NXPH1: variants seen among roughly 807,000 people sequenced by gnomAD.
NXPH1 encodes the protein neurexophilin 1.
Under a neutral mutation model 23.7 loss-of-function variants are expected in NXPH1, and 5 were observed. The observed-to-expected ratio is 0.21, with a 90% CI of 0.11 to 0.44. The LOEUF (loss-of-function observed/expected upper bound fraction) is 0.44. NXPH1 is among the 20% of genes least tolerant of loss of function. The probability of loss-of-function intolerance (pLI) is 0.99; values close to 1 mark genes in which losing one functional copy is unlikely to be tolerated. For missense variants in NXPH1, 324 were observed against 321.6 expected, an observed-to-expected ratio of 1.01 and a Z score of -0.06; for synonymous variants, 144 against 122.2, an observed-to-expected ratio of 1.18 and a Z score of -1.18.
intron 2 of NXPH1, among the ~76,000 whole-genome samples, chr7:8,725,205 G>A (rs568229480): frequency 5.9e-5 from 9 of 152,280 alleles, no homozygotes; most frequent in African/African-American, 2.2e-4. Flanking sequence ...AGAACCCATT[G>A]TAGGACAGGC....
intron 2 of NXPH1, among the ~76,000 whole-genome samples, chr7:8,669,560 CTG>C (rs1820833770): frequency 1.3e-5 from 2 of 152,078 alleles, no homozygotes; most frequent in African/African-American, 4.8e-5. Context: ...GCTTGCCCAG[CTG>C]TGTTTTACTG....
intron 2 of NXPH1, among the ~76,000 whole-genome samples, chr7:8,531,030 G>C (rs1817941900): frequency 6.6e-6 from 1 of 152,134 alleles, no homozygotes; most frequent in Non-Finnish European, 1.5e-5. Context: ...CTAGAATGGG[G>C]ATCAGAAAAC....
intron 2 of NXPH1, among the ~76,000 whole-genome samples, chr7:8,706,454 C>T (rs938514148): frequency 2.6e-5 from 4 of 152,088 alleles, no homozygotes; most frequent in African/African-American, 7.2e-5. Context: ...AGTTGAGTGC[C>T]AAGAGAAAAA....
chr7:8,663,629 C>A (rs968837652), intron 2 of NXPH1, among the ~76,000 whole-genome samples: 2 of 152,050 alleles, frequency 1.3e-5, no homozygotes, highest in African/African-American at 2.4e-5. Context: ...TATCCCCTTA[C>A]AAAATTATTA....
At chr7:8,512,223 GT>G (rs1817623547) in intron 2 of NXPH1, among the ~76,000 whole-genome samples, 1 of 152,148 alleles carries the variant, frequency 6.6e-6, no homozygotes, top group Non-Finnish European at 1.5e-5. Context: ...AAAGAATCAT[GT>G]GATAATCTTA....
At chr7:8,706,037 AT>A (rs1329801590) in intron 2 of NXPH1, among the ~76,000 whole-genome samples, 1 of 152,156 alleles carries the variant, frequency 6.6e-6, no homozygotes, top group Non-Finnish European at 1.5e-5. Flanking sequence ...ACATAATAAT[AT>A]TTGATGTATC....
intron 2 of NXPH1, among the ~76,000 whole-genome samples, chr7:8,522,295 CT>C (rs1563334874): frequency 6.6e-6 from 1 of 152,184 alleles, no homozygotes. Flanking sequence ...CCATTTTCTG[CT>C]GGGCTAGCTC....
intron 2 of NXPH1, among the ~76,000 whole-genome samples, chr7:8,613,378 C>T (rs1253932287): frequency 4.6e-5 from 7 of 151,912 alleles, no homozygotes; most frequent in Non-Finnish European, 1.0e-4. Context: ...TTGCAAACAT[C>T]TGGAGGAAAA....
intron 2 of NXPH1, among the ~76,000 whole-genome samples, chr7:8,592,192 G>A (rs930420731): frequency 1.3e-5 from 2 of 152,000 alleles, no homozygotes; most frequent in African/African-American, 4.8e-5. Context: ...AAAGGAGAAA[G>A]CTGGGATGAG....
chr7:8,681,058 C>T (rs530191059), intron 2 of NXPH1, among the ~76,000 whole-genome samples: 4 of 152,370 alleles, frequency 2.6e-5, no homozygotes, highest in Non-Finnish European at 5.9e-5. Context: ...AGAGCCAGCG[C>T]TAATGTCCGG....
Position 8,678,928 on chromosome 7 carries a change from A to ATTTTTTTTTT in NXPH1, c.55-72054_55-72045dup, listed in dbSNP as rs540056222. On this transcript the variant is annotated intron_variant, in intron 2 of 2. Transcript: ENST00000405863. The stretch of plus-strand genomic sequence containing the variant: ...TCTAGATTTATCTTTGCTTTATCCA[A>ATTTTTTTTTT]TTTTTTTTTTTTTTTTTTTTTTTTT... 3.7e-3 allele frequency among the ~76,000 whole-genome samples: 251 copies of ATTTTTTTTTT among 68,760 alleles called. 26 individuals carry two copies. The highest frequency in any genetic ancestry group is 4.9e-3 in the African/African-American group (67 of 13,540). 45.1% of individuals were successfully genotyped at this position (68,760 alleles called of 152,430 possible). A position where few individuals can be genotyped will look rare whatever the true frequency, so the allele number is the denominator to read the frequency against.
In NXPH1 at chr7:8,710,640, G is replaced by GGTTTTTTTTTTTTTTTTTTTTTTTTTTTT. The variant is rs1376868557; in HGVS notation, c.55-40368_55-40367insGTTTTTTTTTTTTTTTTTTTTTTTTTTTT. ...TTGAACAAAGCATGTCAACTGTTACGTTTTTTGTTTTTTTTTTTTTTTTTT... is the reference window on the plus strand; with the variant it reads ...TTGAACAAAGCATGTCAACTGTTACGGTTTTTTTTTTTTTTTTTTTTTTTTTTTTTTTTTTGTTTTTTTTTTTTTTTTTT... On this transcript the variant is annotated intron_variant, in intron 2 of 2. Coordinates refer to ENST00000405863, the MANE Select transcript of NXPH1 (RefSeq NM_152745.3). 1.1e-4 allele frequency among the ~76,000 whole-genome samples: 3 copies of GGTTTTTTTTTTTTTTTTTTTTTTTTTTTT among 27,672 alleles called. 1 individual carries two copies. The highest frequency in any genetic ancestry group is 6.1e-5 in the Non-Finnish European group (1 of 16,372). The allele number at this position is 27,672 out of a possible 152,430, so 18.2% of individuals were successfully genotyped here.
intron 2 of NXPH1, among the ~76,000 whole-genome samples, chr7:8,731,588 G>A (rs998484048): frequency 3.3e-5 from 5 of 152,142 alleles, no homozygotes; most frequent in Admixed American, 2.0e-4. Flanking sequence ...AGGTCTGTTG[G>A]AGTACTCGGC....
chr7:8,710,793 G>T lies in NXPH1; in HGVS notation c.55-40215G>T, dbSNP rs565886129. Among the ~76,000 whole-genome samples, 57 of 138,322 alleles carry T rather than the reference G, an allele frequency of 4.1e-4. 2 individuals carry two copies. The highest frequency in any genetic ancestry group is 7.7e-4 in the Non-Finnish European group (51 of 66,536). 90.7% of individuals were successfully genotyped at this position (138,322 alleles called of 152,430 possible). A position where few individuals can be genotyped will look rare whatever the true frequency, so the allele number is the denominator to read the frequency against. On this transcript the variant is annotated intron_variant, in intron 2 of 2. Transcript: ENST00000405863. ...TTCTCCTGCCTCAGCCTCCCCAGTAGCTGGGACTACAGGCGCCCGCCACCG... is the reference window on the plus strand; with the variant it reads ...TTCTCCTGCCTCAGCCTCCCCAGTATCTGGGACTACAGGCGCCCGCCACCG...
chr7:8,671,220 A>C (rs1820864081), intron 2 of NXPH1, among the ~76,000 whole-genome samples: 1 of 152,246 alleles, frequency 6.6e-6, no homozygotes, highest in Non-Finnish European at 1.5e-5. Flanking sequence ...GAAAGAGAAA[A>C]AAATGGTAAT....
intron 2 of NXPH1, among the ~76,000 whole-genome samples, chr7:8,568,557 T>A (rs1266076211): frequency 1.3e-5 from 2 of 151,438 alleles, no homozygotes; most frequent in Non-Finnish European, 3.0e-5. Context: ...ATTTTGTATG[T>A]GTGCAAATCT....
intron 2 of NXPH1, among the ~76,000 whole-genome samples, chr7:8,714,165 A>C (rs1162011745): frequency 1.3e-5 from 2 of 151,092 alleles, no homozygotes; most frequent in Admixed American, 6.6e-5. Context: ...AGTCTTTCCC[A>C]CTCTTCCCTT....
At chr7:8,705,903 T>C (rs760948146) in intron 2 of NXPH1, among the ~76,000 whole-genome samples, 1 of 152,168 alleles carries the variant, frequency 6.6e-6, no homozygotes, top group Admixed American at 6.5e-5. Context: ...ATAAACCACA[T>C]TTCTTTGTTG....
At chr7:8,584,526 C>T (rs1309906756) in intron 2 of NXPH1, among the ~76,000 whole-genome samples, 2 of 152,060 alleles carry the variant, frequency 1.3e-5, no homozygotes, top group Non-Finnish European at 1.5e-5. Context: ...TCTAATAAGC[C>T]AAGCTTTCTA....
Sources: allele counts gnomAD v4.1 joint callset (sites outside exome capture counted in the v4.1 genomes callset), GRCh38; gene constraint gnomAD v4.1.1; transcripts MANE v1.5; gene names NCBI Gene and HGNC (gene_info 2026-07-23, HGNC 2026-07-21).